The following RIPOR1 variants were observed in gnomAD, a reference collection of about 807,000 sequenced individuals.
RIPOR1 encodes the protein rho family-interacting cell polarization regulator 1.
RIPOR1 carries 58 observed loss-of-function variants against 116.5 expected under a neutral mutation model. That is an observed-to-expected ratio of 0.50 (90% CI 0.40 to 0.62). The LOEUF is 0.62. Ranked by LOEUF, RIPOR1 falls within the 20% of genes least tolerant of loss-of-function variation. RIPOR1 has a pLI of 0.00. For missense variants in RIPOR1, 1,372 were observed against 1,586.2 expected, an observed-to-expected ratio of 0.86 and a Z score of 2.29; for synonymous variants, 605 against 650.0, an observed-to-expected ratio of 0.93 and a Z score of 1.05.
intron 1 of RIPOR1, among the ~76,000 whole-genome samples, chr16:67,521,303 T>C (rs1326935060): frequency 6.6e-6 from 1 of 152,178 alleles, no homozygotes; most frequent in Admixed American, 6.5e-5. Context: ...GGGTTCCGCC[T>C]GGGGATTCTC....
upstream of RIPOR1, among the ~76,000 whole-genome samples, chr16:67,524,797 C>T (rs931181525): frequency 3.3e-5 from 5 of 152,356 alleles, no homozygotes; most frequent in South Asian, 2.1e-4. Flanking sequence ...TCCATCCCCA[C>T]GGCCCCTACC....
chr16:67,542,021 T>C lies in RIPOR1; in HGVS notation c.1235T>C (p.Ile412Thr). 1.2e-6 allele frequency: 2 copies of C among 1,609,168 alleles called. No homozygotes were observed. The highest frequency in any genetic ancestry group is 1.7e-5 in the Admixed American group (1 of 59,866). The part of the protein sequence containing the change: ...PLVQQPEPLP[I>T]QVAFRRPETP... ...GTGCAGCAGCCCGAGCCCCTTCCCA[T>C]CCAAGTTGCCTTCCGCAGGCCTGAG... is the stretch of plus-strand genomic sequence containing the variant. Residue 412 changes from isoleucine (I) to threonine (T), a missense_variant, in exon 13 of 22, where the codon ATC becomes ACC. This residue lies in a region of RIPOR1 where 1,005 missense variants were observed against 1,144.7 expected (regional missense o/e 0.88). Transcript: ENST00000042381. This position sits in a 1 kb window ranked among gnomAD's most constrained non-coding sequence, Gnocchi z 4.6.
chr16:67,543,567 AAGGAC>A lies in RIPOR1; in HGVS notation c.2600+107_2600+111del. On this transcript the variant is annotated intron_variant, in intron 14 of 21. Coordinates refer to ENST00000042381, the MANE Select transcript of RIPOR1 (RefSeq NM_024519.4). This position sits in a 1 kb window ranked among gnomAD's most constrained non-coding sequence, Gnocchi z 4.7. ...GAACAGGTGAATTGGGAGAAAGTCA[AAGGAC>A]AGGACAGGTGAGGCAGGGCCAGGTG... is the stretch of plus-strand genomic sequence containing the variant. 6.6e-7 allele frequency: 1 copy of A among 1,510,870 alleles called. No homozygotes were observed. The highest frequency in any genetic ancestry group is 8.9e-7 in the Non-Finnish European group (1 of 1,127,446). The allele number at this position is 1,510,870 out of a possible 1,614,324, so 93.6% of individuals were successfully genotyped here. A position where few individuals can be genotyped will look rare whatever the true frequency, so the allele number is the denominator to read the frequency against.
chr16:67,532,058 A>ATTTT (rs56900618), intron 1 of RIPOR1, among the ~76,000 whole-genome samples: 2 of 144,206 alleles, frequency 1.4e-5, no homozygotes, highest in African/African-American at 5.1e-5. Flanking sequence ...CGCCCAGCTA[A>ATTTT]TTTTTTTTTT....
chr16:67,523,237 C>T (rs1205308939), intron 1 of RIPOR1, among the ~76,000 whole-genome samples: 1 of 152,032 alleles, frequency 6.6e-6, no homozygotes, highest in Non-Finnish European at 1.5e-5. Flanking sequence ...TCTCCCACTG[C>T]GGGACTATGT....
Position 67,519,329 on chromosome 16 carries a change from G to T in RIPOR1, c.-24+716G>T, listed in dbSNP as rs978589878. Among the ~76,000 whole-genome samples, 48 of 151,788 alleles carry T rather than the reference G, an allele frequency of 3.2e-4. 1 individual carries two copies. Among genetic ancestry groups the T allele is most frequent in the Non-Finnish European group, 4.4e-5 (3 of 67,946 alleles). Reference sequence around the variant, plus strand: ...GGCCCACCCTGTGCAAAGATGGAGAGGTAGGGAAGGCAGGGTGTATCCAGG... The same window carrying T: ...GGCCCACCCTGTGCAAAGATGGAGATGTAGGGAAGGCAGGGTGTATCCAGG... On this transcript the variant is annotated intron_variant, in intron 1 of 1. Coordinates refer to the RIPOR1 transcript ENST00000562116.
At position 67,545,230 on chromosome 16, in the gene RIPOR1, A is replaced by G; in HGVS notation, c.3031+113A>G. 6.5e-7 allele frequency: 1 copy of G among 1,532,486 alleles called. No individual in the cohort carries two copies. The highest frequency in any genetic ancestry group is 8.9e-7 in the Non-Finnish European group (1 of 1,128,806). The allele number at this position is 1,532,486 out of a possible 1,614,324, so 94.9% of individuals were successfully genotyped here. On this transcript the variant is annotated intron_variant, in intron 17 of 21. Coordinates refer to ENST00000042381, the MANE Select transcript of RIPOR1 (RefSeq NM_024519.4). This position sits in a 1 kb window ranked among gnomAD's most constrained non-coding sequence, Gnocchi z 4.8. ...CGAACTGGGCACCGAGGAGACCAGC[A>G]AAGACTTGGGCCTTAGAGCAGAAGG...
At chr16:67,527,716 A>C (rs897839253), upstream of RIPOR1, among the ~76,000 whole-genome samples, 2 of 152,108 alleles carry the variant, frequency 1.3e-5, no homozygotes, top group African/African-American at 4.8e-5. Context: ...CTCTACCAAA[A>C]ATACAAAAAA....
intron 1 of RIPOR1, among the ~76,000 whole-genome samples, chr16:67,522,669 G>T (rs895278738): frequency 6.6e-6 from 1 of 151,888 alleles, no homozygotes; most frequent in Non-Finnish European, 1.5e-5. Context: ...GCCTTTCCAT[G>T]TTCAGATATA....
In RIPOR1 at chr16:67,538,757, C is replaced by G. The variant is rs1395620758; in HGVS notation, c.190C>G (p.Pro64Ala). 2 of 1,613,396 alleles carry G rather than the reference C, an allele frequency of 1.2e-6. No homozygotes were observed. The highest frequency in any genetic ancestry group is 1.7e-6 in the Non-Finnish European group (2 of 1,179,970). Residue 64 changes from proline (P) to alanine (A), a missense_variant, in exon 3 of 22, where the codon CCA becomes GCA. This residue lies in a region of RIPOR1 where 165 missense variants were observed against 145.5 expected (regional missense o/e 1.13). Coordinates refer to ENST00000042381, the MANE Select transcript of RIPOR1 (RefSeq NM_024519.4). ...GTCCAGGATGTTTTCCGTGGCTCAC[C>G]CAGCCGCCAAGGTGCCGCAGCCCGA... ...RVSRMFSVAH[P>A]AAKVPQPERL...
rs796368368 is a variant in RIPOR1 at position 67,520,062 on chromosome 16, CAAAAAAAAAAAA to C, written c.-24+1462_-24+1473del. ...GGGTCACAAGAGCAAAACTCCGTCT[CAAAAAAAAAAAA>C]AAAAAAAAAAAAGACTCTGAGGGCC... On this transcript the variant is annotated intron_variant, in intron 1 of 1. Coordinates refer to the RIPOR1 transcript ENST00000562116. 3.3e-4 allele frequency among the ~76,000 whole-genome samples: 15 copies of C among 46,056 alleles called. No individual in the cohort carries two copies. In the South Asian group the frequency reaches 5.3e-3, roughly 16 times the overall value. 30.2% of individuals were successfully genotyped at this position (46,056 alleles called of 152,430 possible). A position where few individuals can be genotyped will look rare whatever the true frequency, so the allele number is the denominator to read the frequency against.
In RIPOR1 at chr16:67,530,725, T is replaced by TCC. The variant is rs1225285669; in HGVS notation, c.-24+1812_-24+1813dup. On this transcript the variant is annotated intron_variant, in intron 1 of 21. Coordinates refer to ENST00000042381, the MANE Select transcript of RIPOR1 (RefSeq NM_024519.4). The surrounding 1 kb of genome is among the most constrained non-coding windows in gnomAD (Gnocchi z 4.5). The stretch of plus-strand genomic sequence containing the variant: ...GGCCATGCGGACAGGTCAGGGCTCC[T>TCC]CCACTCACGGCCATCCTGACCTGGC... 6.6e-6 allele frequency among the ~76,000 whole-genome samples: 1 copy of TCC among 152,112 alleles called. No homozygotes were observed. Among genetic ancestry groups the TCC allele is most frequent in the African/African-American group, 2.4e-5 (1 of 41,416 alleles).
intron 1 of RIPOR1, among the ~76,000 whole-genome samples, chr16:67,519,009 G>A (rs953985337): frequency 6.6e-6 from 1 of 152,266 alleles, no homozygotes; most frequent in African/African-American, 2.4e-5. Context: ...CCCAGGCCAG[G>A]CGCAGTGGCT....
chr16:67,529,485 A>C lies in RIPOR1; in HGVS notation c.-24+571A>C. ...CGGAGAGGATCGTCCTTGTCGGGGAACGGAGCTTTTCCCTGGAAATGGAGG... is the reference window on the plus strand; with the variant it reads ...CGGAGAGGATCGTCCTTGTCGGGGACCGGAGCTTTTCCCTGGAAATGGAGG... On this transcript the variant is annotated intron_variant, in intron 1 of 21. Transcript: ENST00000042381. The surrounding 1 kb of genome is among the most constrained non-coding windows in gnomAD (Gnocchi z 4.1). 8 of 346,942 alleles carry C rather than the reference A, an allele frequency of 2.3e-5. No individual in the cohort carries two copies. The highest frequency in any genetic ancestry group is 5.3e-5 in the East Asian group (1 of 18,970). 21.5% of individuals were successfully genotyped at this position (346,942 alleles called of 1,614,324 possible). A position where few individuals can be genotyped will look rare whatever the true frequency, so the allele number is the denominator to read the frequency against.
At position 67,542,402 on chromosome 16, in the gene RIPOR1, C is replaced by G; in HGVS notation, c.1616C>G (p.Ser539Ter). The G allele has an allele frequency of 6.2e-7, 1 of 1,613,990 alleles. No homozygotes were observed. ...SVHKSTDSGPSELPGPTHTTT... is the reference protein window; with the variant it reads ...SVHKSTDSGP Reference sequence around the variant, plus strand: ...CATAAGTCCACAGACTCTGGCCCTTCAGAACTGCCAGGCCCCACTCACACC... The same window carrying G: ...CATAAGTCCACAGACTCTGGCCCTTGAGAACTGCCAGGCCCCACTCACACC... The change falls in exon 13 of 22, where the codon TCA becomes TGA. Residue 539 changes from serine (S) to a stop codon, truncating the protein, a stop_gained. Transcript: ENST00000042381. LOFTEE classifies it high-confidence loss of function. This position sits in a 1 kb window ranked among gnomAD's most constrained non-coding sequence, Gnocchi z 4.6.
rs181107645 is a variant in RIPOR1, at chr16:67,530,741, C to T, written c.-24+1827C>T. 1.3e-5 allele frequency among the ~76,000 whole-genome samples: 2 copies of T among 152,300 alleles called. No homozygotes were observed. Among genetic ancestry groups the T allele is most frequent in the East Asian group, 3.9e-4 (2 of 5,172 alleles). On this transcript the variant is annotated intron_variant, in intron 1 of 21. Transcript: ENST00000042381. This position sits in a 1 kb window ranked among gnomAD's most constrained non-coding sequence, Gnocchi z 4.5. ...CAGGGCTCCTCCACTCACGGCCATC[C>T]TGACCTGGCTGTGCTGCAAGCCCCA... is the stretch of plus-strand genomic sequence containing the variant.
At position 67,540,289 on chromosome 16, in the gene RIPOR1, C is replaced by G. The variant is rs763021708; in HGVS notation, c.568-11C>G. On this transcript the variant is annotated splice_polypyrimidine_tract_variant and intron_variant, in intron 7 of 21. Transcript: ENST00000042381. This position sits in a 1 kb window ranked among gnomAD's most constrained non-coding sequence, Gnocchi z 4.7. The stretch of plus-strand genomic sequence containing the variant: ...CCTTGACCCCCTCCTGTCCCTGCCC[C>G]TCCCTCCCAGAGCATGTGTCTGCTG... 2 of 1,614,046 alleles carry G rather than the reference C, an allele frequency of 1.2e-6. No individual in the cohort carries two copies. The highest frequency in any genetic ancestry group is 2.2e-5 in the East Asian group (1 of 44,890).
At chr16:67,538,350 G>T in intron 1 of RIPOR1, 74 bp from the exon 2 acceptor site, 4 of 1,502,250 alleles carry the variant, frequency 2.7e-6, no homozygotes, top group Non-Finnish European at 3.6e-6. Context: ...ACCTGCGCCA[G>T]CCCTGGATCC....
rs924488384 is a variant in RIPOR1 at position 67,542,270 on chromosome 16, C to G, written c.1484C>G (p.Pro495Arg). The part of the protein sequence containing the change: ...PTHGEHPSPV[P>R]PALDPGHSAT... ...CATGGAGAGCACCCCAGTCCTGTTCCTCCTGCCCTGGACCCTGGCCACTCT... is the reference window on the plus strand; with the variant it reads ...CATGGAGAGCACCCCAGTCCTGTTCGTCCTGCCCTGGACCCTGGCCACTCT... Residue 495 changes from proline to arginine, a missense_variant, in exon 13 of 22, where the codon CCT (proline) becomes CGT (arginine). This residue lies in a region of RIPOR1 where 1,005 missense variants were observed against 1,144.7 expected (regional missense o/e 0.88). Transcript: ENST00000042381. The surrounding 1 kb of genome is among the most constrained non-coding windows in gnomAD (Gnocchi z 4.6). The G allele has an allele frequency of 1.7e-5, 27 of 1,613,948 alleles. No individual in the cohort carries two copies. The East Asian group carries it at 6.0e-4, about 36-fold the overall frequency.
Sources: allele counts gnomAD v4.1 joint callset (sites outside exome capture counted in the v4.1 genomes callset), GRCh38; gene constraint gnomAD v4.1.1; regional missense constraint gnomAD v4.1.1; non-coding constraint Gnocchi (gnomAD v3.1); transcripts MANE v1.5; gene names NCBI Gene and HGNC (gene_info 2026-07-23, HGNC 2026-07-21).